Variants in GRIA4 observed in about 807,000 individuals in gnomAD.
GRIA4 encodes the protein glutamate receptor 4.
In GRIA4, 34 loss-of-function variants were observed where a neutral mutation model predicts 104.0. That is an observed-to-expected ratio of 0.33 (90% confidence interval 0.25 to 0.44). The LOEUF (loss-of-function observed/expected upper bound fraction) is 0.44, where lower values mean the gene tolerates loss of function less well. GRIA4 is among the 20% of genes least tolerant of loss of function. GRIA4 has a pLI of 1.00. For missense variants in GRIA4, 750 were observed against 1,096.5 expected (o/e 0.68, Z 4.46); for synonymous variants, 386 against 381.9 (o/e 1.01, Z -0.13).
chr11:105,961,986 G>A (rs1948755095), intron 14 of GRIA4, among the ~76,000 whole-genome samples: 1 of 152,118 alleles, frequency 6.6e-6, no homozygotes, highest in African/African-American at 2.4e-5. Context: ...AATATCTTGT[G>A]GGCAGACAAT....
intron 4 of GRIA4, among the ~76,000 whole-genome samples, chr11:105,824,400 G>A (rs1943690549): frequency 6.6e-6 from 1 of 151,950 alleles, no homozygotes; most frequent in Non-Finnish European, 1.5e-5. Context: ...TCCTACTATG[G>A]AAGATGAAGA....
At chr11:105,630,276 AC>A (rs1285619218) in intron 3 of GRIA4, among the ~76,000 whole-genome samples, 2 of 152,156 alleles carry the variant, frequency 1.3e-5, no homozygotes, top group African/African-American at 4.8e-5. Context: ...TTAAATTAAC[AC>A]CCACTAGGCC....
At chr11:105,721,991 A>ATT (rs1192546191) in intron 3 of GRIA4, among the ~76,000 whole-genome samples, 1 of 152,204 alleles carries the variant, frequency 6.6e-6, no homozygotes, top group Non-Finnish European at 1.5e-5. Flanking sequence ...GAATATATAT[A>ATT]AATCATATGT....
At chr11:105,748,830 A>G (rs923649073) in intron 3 of GRIA4, among the ~76,000 whole-genome samples, 7 of 152,194 alleles carry the variant, frequency 4.6e-5, no homozygotes, top group African/African-American at 1.7e-4. Flanking sequence ...CATTGCAACC[A>G]TTTCTCAGAA....
At chr11:105,769,118 AG>A (rs1377630926) in intron 4 of GRIA4, among the ~76,000 whole-genome samples, 1 of 152,138 alleles carries the variant, frequency 6.6e-6, no homozygotes, top group Non-Finnish European at 1.5e-5. Flanking sequence ...TTATGAAGCA[AG>A]GGTCAAGGAC....
At chr11:105,852,128 A>G (rs986727135) in intron 4 of GRIA4, among the ~76,000 whole-genome samples, 1 of 152,214 alleles carries the variant, frequency 6.6e-6, no homozygotes, top group African/African-American at 2.4e-5. Flanking sequence ...TGAGTCTGAG[A>G]GAATCTCTTA....
chr11:105,756,704 C>A (rs1056991525), intron 4 of GRIA4, among the ~76,000 whole-genome samples: 3 of 151,572 alleles, frequency 2.0e-5, no homozygotes, highest in Non-Finnish European at 1.5e-5. Flanking sequence ...AGTCTAAAAC[C>A]GTCACTGGGA....
At chr11:105,896,873 A>C (rs2136124635) in intron 6 of GRIA4, among the ~76,000 whole-genome samples, 1 of 152,178 alleles carries the variant, frequency 6.6e-6, no homozygotes, top group East Asian at 1.9e-4. Context: ...ATTTTGCTTA[A>C]GTGGCTTTGG....
chr11:105,935,269 A>G (rs542755545), intron 14 of GRIA4, among the ~76,000 whole-genome samples: 55 of 152,308 alleles, frequency 3.6e-4, no homozygotes, highest in Admixed American at 1.1e-3. Flanking sequence ...GAGGTAAAAC[A>G]AAACTAGCCA....
At chr11:105,898,515 T>C in intron 7 of GRIA4, 88 bp downstream of exon 7, 1 of 826,654 alleles carries the variant, frequency 1.2e-6, no homozygotes, top group South Asian at 1.6e-5. Context: ...ATTAACATTT[T>C]GCCAAACATA....
At chr11:105,778,559 G>T (rs900942424) in intron 4 of GRIA4, among the ~76,000 whole-genome samples, 1 of 152,072 alleles carries the variant, frequency 6.6e-6, no homozygotes, top group African/African-American at 2.4e-5. Flanking sequence ...ACGAAAATTA[G>T]CCGGGTGTGA....
chr11:105,852,767 T>G (rs1412700354), intron 4 of GRIA4, among the ~76,000 whole-genome samples: 2 of 125,064 alleles, frequency 1.6e-5, no homozygotes, highest in East Asian at 4.7e-4. Context: ...CATCCTGTGT[T>G]TTTTCCTGCT....
At chr11:105,946,308 T>C (rs1948311285) in intron 14 of GRIA4, among the ~76,000 whole-genome samples, 1 of 151,988 alleles carries the variant, frequency 6.6e-6, no homozygotes, top group Admixed American at 6.6e-5. Context: ...AAAGGGGCGG[T>C]GCAGTGGCTC....
intron 4 of GRIA4, among the ~76,000 whole-genome samples, chr11:105,769,226 A>G (rs1386208497): frequency 6.6e-6 from 1 of 152,136 alleles, no homozygotes; most frequent in Non-Finnish European, 1.5e-5. Context: ...GCTTCTGTAC[A>G]GATAACCATA....
At position 105,626,992 on chromosome 11, in the gene GRIA4, T is replaced by C. The variant is rs928224381; in HGVS notation, c.247+14558T>C. 2.4e-4 allele frequency among the ~76,000 whole-genome samples: 37 copies of C among 152,170 alleles called. 1 individual carries two copies. The highest frequency in any genetic ancestry group is 1.3e-4 in the Admixed American group (2 of 15,282). ...TAATGTCCAGGTAAAGATAGGTGCATTGTTTGTCTTGTGCAGATATTTGGA... is the reference window on the plus strand; with the variant it reads ...TAATGTCCAGGTAAAGATAGGTGCACTGTTTGTCTTGTGCAGATATTTGGA... On this transcript the variant is annotated intron_variant, in intron 3 of 16. Transcript: ENST00000282499.
At chr11:105,611,394 TATG>T (rs1020274919) in intron 2 of GRIA4, among the ~76,000 whole-genome samples, 1 of 152,114 alleles carries the variant, frequency 6.6e-6, no homozygotes, top group Non-Finnish European at 1.5e-5. Context: ...TTGTATTTTA[TATG>T]ATATTTATTT....
intron 16 of GRIA4, chr11:105,974,742 T>C: frequency 5.4e-6 from 3 of 551,570 alleles, no homozygotes; most frequent in South Asian, 4.5e-5. Flanking sequence ...ATGTTGCCAA[T>C]AGATATCTGC....
intron 14 of GRIA4, among the ~76,000 whole-genome samples, chr11:105,939,159 A>G (rs760876231): frequency 1.3e-5 from 2 of 152,196 alleles, no homozygotes; most frequent in Non-Finnish European, 2.9e-5. Flanking sequence ...CATTCAACAA[A>G]TGACTCCTGA....
intron 14 of GRIA4, among the ~76,000 whole-genome samples, chr11:105,964,805 G>GTTTTTTTTTTT (rs1565369695): frequency 1.4e-5 from 2 of 141,364 alleles, no homozygotes; most frequent in Non-Finnish European, 3.0e-5. Context: ...TTTTTTTTTT[G>GTTTTTTTTTTT]TTTGTTTGTT....
Sources: gnomAD v4.1 joint callset for allele counts (sites outside exome capture counted in the v4.1 genomes callset) on GRCh38, gnomAD v4.1.1 for gene constraint, MANE v1.5 for transcripts, NCBI Gene and HGNC (gene_info 2026-07-23, HGNC 2026-07-21) for gene names.